PSMB2: variants seen among roughly 807,000 people sequenced by gnomAD.
The protein encoded by PSMB2 is proteasome subunit beta type-2.
In PSMB2, 13 loss-of-function variants were observed where a neutral mutation model predicts 25.7. The observed-to-expected ratio is 0.51, with a 90% CI of 0.33 to 0.80. The LOEUF is 0.80. PSMB2 is among the 30% of genes least tolerant of loss of function. PSMB2 has a pLI of 0.02. For synonymous variants in PSMB2, 87 were observed against 96.2 expected (o/e 0.90, Z 0.56); for missense variants, 202 against 259.0 (o/e 0.78, Z 1.51).
rs908978622 is a variant in PSMB2, at chr1:35,603,228, A to G, written c.*39T>C. 1.3e-6 allele frequency: 2 copies of G among 1,594,538 alleles called. No individual in the cohort carries two copies. The highest frequency in any genetic ancestry group is 1.7e-6 in the Non-Finnish European group (2 of 1,174,762). ...TAGAAAAAAATAAAGGAGCCCATCA[A>G]AAAAAAGTTCCCTGGCAAGTGGGAG... is the stretch of plus-strand genomic sequence containing the variant. On this transcript the variant is annotated 3_prime_UTR_variant, in exon 6 of 6. Coordinates refer to ENST00000373237, the MANE Select transcript of PSMB2 (RefSeq NM_002794.5).
intron 4 of PSMB2, among the ~76,000 whole-genome samples, chr1:35,608,770 T>C (rs370423540): frequency 2.1e-4 from 32 of 152,296 alleles, no homozygotes; most frequent in African/African-American, 7.7e-4. Context: ...TTAGAAAGCT[T>C]TGATGTTTAA....
chr1:35,600,497 C>T lies in PSMB2; in HGVS notation c.*2770G>A. 1.0e-6 allele frequency: 1 copy of T among 978,618 alleles called. No homozygotes were observed. Among genetic ancestry groups the T allele is most frequent in the Non-Finnish European group, 1.2e-6 (1 of 823,900 alleles). 60.6% of individuals were successfully genotyped at this position (978,618 alleles called of 1,614,324 possible). On this transcript the variant is annotated 3_prime_UTR_variant, in exon 6 of 6. Transcript: ENST00000373237. ...CTTTTCTGTAAAACCAAATTTATTC[C>T]AAAATAAAACATTTATTAAAAATAA...
chr1:35,616,794 A>C (rs10908401), intron 3 of PSMB2, among the ~76,000 whole-genome samples: 39,535 of 152,164 alleles, frequency 0.26, 10,806 homozygotes, highest in East Asian at 0.78. Flanking sequence ...CCATAACTAA[A>C]AAAATTCACT....
At chr1:35,625,881 G>A (rs546270210) in intron 3 of PSMB2, among the ~76,000 whole-genome samples, 2 of 151,980 alleles carry the variant, frequency 1.3e-5, no homozygotes, top group Non-Finnish European at 2.9e-5. Flanking sequence ...CTGTCACCCA[G>A]GCTGGAGTGC....
rs1016906709 is a variant in PSMB2, at chr1:35,631,993, G to A, written c.215-649C>T. Among the ~76,000 whole-genome samples the A allele has an allele frequency of 1.2e-4, 18 of 152,062 alleles. 1 individual carries two copies. Among genetic ancestry groups the A allele is most frequent in the Non-Finnish European group, 1.5e-5 (1 of 68,028 alleles). Reference sequence around the variant, plus strand: ...TGACTGTGCCACTGCACTACAGCATGGGTGACAGAGCAAGACCCTGTCTCT... The same window carrying A: ...TGACTGTGCCACTGCACTACAGCATAGGTGACAGAGCAAGACCCTGTCTCT... On this transcript the variant is annotated intron_variant, in intron 2 of 5. Coordinates refer to ENST00000373237, the MANE Select transcript of PSMB2 (RefSeq NM_002794.5).
At position 35,599,662 on chromosome 1, in the gene PSMB2, G is replaced by A; in HGVS notation, c.*3605C>T. On this transcript the variant is annotated 3_prime_UTR_variant, in exon 6 of 6. Coordinates refer to ENST00000373237, the MANE Select transcript of PSMB2 (RefSeq NM_002794.5). ...AAAGAATTGGGCTTTATTCTCTTAA[G>A]CCATGGAAAACCACCAGAAAGTTTT... 5 of 984,974 alleles carry A rather than the reference G, an allele frequency of 5.1e-6. No homozygotes were observed. The highest frequency in any genetic ancestry group is 4.8e-6 in the Non-Finnish European group (4 of 829,488). 61.0% of individuals were successfully genotyped at this position (984,974 alleles called of 1,614,324 possible).
rs138620049 is a variant in PSMB2, at chr1:35,608,559, A to G, written c.448+687T>C. Among the ~76,000 whole-genome samples the G allele has an allele frequency of 2.3e-4, 35 of 152,352 alleles. No individual in the cohort carries two copies. The East Asian group carries it at 6.4e-3, about 28-fold the overall frequency. ...AACTACCATGATCTGTTTACATTAC[A>G]TGTATTGAAACATCATGATGTACTC... On this transcript the variant is annotated intron_variant, in intron 4 of 5. Transcript: ENST00000373237.
chr1:35,615,098 T>TACC (rs1303010606), intron 3 of PSMB2, among the ~76,000 whole-genome samples: 1 of 152,230 alleles, frequency 6.6e-6, no homozygotes, highest in Non-Finnish European at 1.5e-5. Flanking sequence ...ACCACAACAC[T>TACC]ACCACCACCA....
At chr1:35,625,195 C>T (rs2148572446) in intron 3 of PSMB2, among the ~76,000 whole-genome samples, 1 of 152,288 alleles carries the variant, frequency 6.6e-6, no homozygotes, top group East Asian at 1.9e-4. Flanking sequence ...ACTTGCTAAG[C>T]ATTTACAAAT....
intron 2 of PSMB2, 57 bp downstream of exon 2, chr1:35,636,253 T>C (rs57486078): frequency 1.2e-6 from 2 of 1,601,952 alleles, no homozygotes; most frequent in East Asian, 2.2e-5. Context: ...TCTGTGACTT[T>C]AGTAATGGCA....
At chr1:35,624,749 T>G (rs1453183186) in intron 3 of PSMB2, among the ~76,000 whole-genome samples, 3 of 150,436 alleles carry the variant, frequency 2.0e-5, no homozygotes, top group Non-Finnish European at 4.4e-5. Context: ...CAAGACTCTG[T>G]CTCAAAAAAA....
chr1:35,609,144 C>G (rs910327114), intron 4 of PSMB2, 102 bp downstream of exon 4: 20 of 1,177,690 alleles, frequency 1.7e-5, no homozygotes, highest in African/African-American at 3.2e-5. Context: ...AGGATCCATC[C>G]TATTCAAGCC....
chr1:35,604,913 T>G (rs777506288), intron 5 of PSMB2, among the ~76,000 whole-genome samples: 11 of 152,100 alleles, frequency 7.2e-5, no homozygotes, highest in Non-Finnish European at 1.0e-4. Flanking sequence ...GACTCAGAAT[T>G]GAGGGTTGGG....
chr1:35,627,339 G>C (rs1650896476), intron 3 of PSMB2, among the ~76,000 whole-genome samples: 1 of 147,350 alleles, frequency 6.8e-6, no homozygotes, highest in South Asian at 2.2e-4. Flanking sequence ...TTGCTTCTTT[G>C]ACCAAACAGC....
Position 35,601,107 on chromosome 1 carries a change from G to T in PSMB2, c.*2160C>A, listed in dbSNP as rs1649981206. 1.1e-6 allele frequency: 1 copy of T among 909,522 alleles called. No individual in the cohort carries two copies. The highest frequency in any genetic ancestry group is 2.2e-5 in the African/African-American group (1 of 44,992). The allele number at this position is 909,522 out of a possible 1,614,324, so 56.3% of individuals were successfully genotyped here. A position where few individuals can be genotyped will look rare whatever the true frequency, so the allele number is the denominator to read the frequency against. On this transcript the variant is annotated 3_prime_UTR_variant, in exon 6 of 6. Coordinates refer to ENST00000373237, the MANE Select transcript of PSMB2 (RefSeq NM_002794.5). ...TTTGAGACAGAGTCTTGCTCTGTCA[G>T]CCAGGCTGGAGTGCAGTGGCATGAT... is the stretch of plus-strand genomic sequence containing the variant.
At position 35,600,045 on chromosome 1, in the gene PSMB2, A is replaced by C. The variant is rs1320990428; in HGVS notation, c.*3222T>G. The C allele has an allele frequency of 1.6e-6, 1 of 636,122 alleles. No homozygotes were observed. Among genetic ancestry groups the C allele is most frequent in the Admixed American group, 6.3e-5 (1 of 15,818 alleles). 39.4% of individuals were successfully genotyped at this position (636,122 alleles called of 1,614,324 possible). Reference sequence around the variant, plus strand: ...CAGCTAGTTGGGAGGCTGGGGTAAGAGGTTCACTTGAGCCCAGGAGTTCAA... The same window carrying C: ...CAGCTAGTTGGGAGGCTGGGGTAAGCGGTTCACTTGAGCCCAGGAGTTCAA... On this transcript the variant is annotated 3_prime_UTR_variant, in exon 6 of 6. Coordinates refer to ENST00000373237, the MANE Select transcript of PSMB2 (RefSeq NM_002794.5).
chr1:35,620,422 C>T (rs910693069), intron 3 of PSMB2, among the ~76,000 whole-genome samples: 7 of 152,168 alleles, frequency 4.6e-5, no homozygotes, highest in Admixed American at 3.9e-4. Flanking sequence ...GAACAGCCAA[C>T]GAGCTAATGA....
At chr1:35,612,040 CG>C (rs139592268) in intron 3 of PSMB2, among the ~76,000 whole-genome samples, 2,790 of 152,250 alleles carry the variant, frequency 0.018, 97 homozygotes, top group African/African-American at 0.063. Flanking sequence ...TTCCTAACAT[CG>C]CCTGGAGATT....
chr1:35,610,739 C>T (rs113826355), intron 3 of PSMB2, among the ~76,000 whole-genome samples: 3,084 of 152,318 alleles, frequency 0.02, 91 homozygotes, highest in East Asian at 0.061. Context: ...CGTGATCCGC[C>T]CGCCTCGGCC....
Sources: allele counts gnomAD v4.1 joint callset (sites outside exome capture counted in the v4.1 genomes callset), GRCh38; gene constraint gnomAD v4.1.1; transcripts MANE v1.5; gene names NCBI Gene and HGNC (gene_info 2026-07-23, HGNC 2026-07-21).